DHX34: variants seen among roughly 807,000 people sequenced by gnomAD.
The protein encoded by DHX34 is probable ATP-dependent RNA helicase DHX34.
A neutral mutation model predicts 111.1 loss-of-function variants in DHX34; 96 were observed. The ratio of observed to expected loss-of-function variants is 0.86; its 90% confidence interval spans 0.73 to 1.02. The LOEUF is 1.02. Among genes scored for constraint, DHX34 ranks in the 50% least tolerant of loss-of-function variants. DHX34 has a pLI of 0.00. For synonymous variants in DHX34, 688 were observed against 670.4 expected (o/e 1.03, Z -0.41); for missense variants, 1,560 against 1,579.9 (o/e 0.99, Z 0.21).
intron 4 of DHX34, among the ~76,000 whole-genome samples, chr19:47,359,440 CCA>C (rs1445790525): frequency 6.6e-6 from 1 of 150,856 alleles, no homozygotes; most frequent in Non-Finnish European, 1.5e-5. Flanking sequence ...CCATTGTAGG[CCA>C]CAGAGTGGGA....
At chr19:47,378,663 A>G (rs744735) in intron 13 of DHX34, among the ~76,000 whole-genome samples, 10,374 of 151,260 alleles carry the variant, frequency 0.069, 373 homozygotes, top group East Asian at 0.11. Context: ...GACTCTATCT[A>G]TCTCTACAAA....
At position 47,375,681 on chromosome 19, in the gene DHX34, A is replaced by C; in HGVS notation, c.2280A>C (p.Pro760=). The C allele has an allele frequency of 6.4e-7, 1 of 1,557,478 alleles. No individual in the cohort carries two copies. The highest frequency in any genetic ancestry group is 8.7e-7 in the Non-Finnish European group (1 of 1,155,690). Residue 760 remains proline (P), a synonymous_variant, in exon 10 of 17, where the codon CCA becomes CCC. Transcript: ENST00000328771. ...AGGACAGGGCTGGCCCAGCCCCCCCAGGGGCCAGTGATGGCGTGGACATCC... is the reference window on the plus strand; with the variant it reads ...AGGACAGGGCTGGCCCAGCCCCCCCCGGGGCCAGTGATGGCGTGGACATCC... ...SDEDRAGPAP[P]GASDGVDIQD...
At position 47,360,009 on chromosome 19, in the gene DHX34, C is replaced by T. The variant is rs969011244; in HGVS notation, c.1314C>T (p.Leu438=). 2.5e-6 allele frequency: 4 copies of T among 1,614,096 alleles called. No homozygotes were observed. The highest frequency in any genetic ancestry group is 3.3e-5 in the Admixed American group (2 of 59,990). The change falls in exon 5 of 17, where the codon CTC becomes CTT. Residue 438 remains leucine (L), a synonymous_variant. Coordinates refer to ENST00000328771, the MANE Select transcript of DHX34 (RefSeq NM_014681.6). ...CCCCTGGAGTCCGGAAATGCATCCT[C>T]TCCACCAACATTGCTGAGACCTCAG... The part of the protein sequence containing the change: ...VAPPGVRKCI[L]STNIAETSVT...
chr19:47,380,435 C>A (rs1970315801), intron 14 of DHX34, among the ~76,000 whole-genome samples: 3 of 151,924 alleles, frequency 2.0e-5, no homozygotes, highest in Admixed American at 2.0e-4. Flanking sequence ...TCCAGGCTGA[C>A]TTCCTGGAGT....
intron 11 of DHX34, 45 bp from the exon 12 acceptor site, chr19:47,376,398 A>C (rs1291882208): frequency 6.3e-7 from 1 of 1,584,880 alleles, no homozygotes; most frequent in Non-Finnish European, 8.6e-7. Context: ...TGGGCAGAGG[A>C]GAGAGCAGAT....
intron 1 of DHX34, among the ~76,000 whole-genome samples, chr19:47,351,906 G>A (rs752756492): frequency 6.6e-6 from 1 of 152,202 alleles, no homozygotes; most frequent in Non-Finnish European, 1.5e-5. Context: ...GGTGGATACT[G>A]TCCTCAGAAA....
At chr19:47,373,781 C>T (rs1472845991) in intron 9 of DHX34, 81 bp downstream of exon 9, 24 of 1,514,866 alleles carry the variant, frequency 1.6e-5, no homozygotes, top group Non-Finnish European at 2.1e-5. Context: ...GCTTCCCCTT[C>T]CCAGACAGTG....
Position 47,359,952 on chromosome 19 carries a change from C to T in DHX34, c.1273-16C>T, listed in dbSNP as rs1222543835. On this transcript the variant is annotated splice_polypyrimidine_tract_variant and intron_variant, in intron 4 of 16. Coordinates refer to ENST00000328771, the MANE Select transcript of DHX34 (RefSeq NM_014681.6). ...GCTGAGTTAGTTCCTGACACCACCCCCTCCCTTCCTCCCAGGTATTTGATG... is the reference window on the plus strand; with the variant it reads ...GCTGAGTTAGTTCCTGACACCACCCTCTCCCTTCCTCCCAGGTATTTGATG... 2 of 1,613,890 alleles carry T rather than the reference C, an allele frequency of 1.2e-6. No individual in the cohort carries two copies. Among genetic ancestry groups the T allele is most frequent in the Non-Finnish European group, 1.7e-6 (2 of 1,179,952 alleles).
rs1385592994 is a variant in DHX34 at position 47,379,984 on chromosome 19, A to G, written c.2981A>G (p.Lys994Arg). Residue 994 changes from lysine (K) to arginine (R), a missense_variant and splice_region_variant, in exon 14 of 17, where the codon AAG (lysine) becomes AGG (arginine). Transcript: ENST00000328771. ...SKELLQFTAS[K>R]IPYSLRRLTG... ...GAACTCCTGCAATTCACGGCATCCA[A>G]GGTACCCTCCACCAGGGTGCCCGTG... 1.3e-6 allele frequency: 2 copies of G among 1,580,072 alleles called. No individual in the cohort carries two copies. Among genetic ancestry groups the G allele is most frequent in the Non-Finnish European group, 1.7e-6 (2 of 1,154,870 alleles).
At chr19:47,365,004 AG>A (rs1355462276) in intron 6 of DHX34, among the ~76,000 whole-genome samples, 1 of 152,104 alleles carries the variant, frequency 6.6e-6, no homozygotes, top group African/African-American at 2.4e-5. Context: ...TTAAGGCCAC[AG>A]GAACATTTTC....
Position 47,369,330 on chromosome 19 carries a change from C to G in DHX34, c.1768+2175C>G, listed in dbSNP as rs140302878. Among the ~76,000 whole-genome samples the G allele has an allele frequency of 1.1e-4, 17 of 152,228 alleles. No homozygotes were observed. In the East Asian group the frequency reaches 3.1e-3, roughly 28 times the overall value. On this transcript the variant is annotated intron_variant, in intron 7 of 16. Coordinates refer to ENST00000328771, the MANE Select transcript of DHX34 (RefSeq NM_014681.6). ...CCAATATTTGTTTTTTTAGTAGTGT[C>G]AAGGTTTCACCATGTCGGCCGTGCT...
At chr19:47,358,983 C>G (rs4802348) in intron 4 of DHX34, among the ~76,000 whole-genome samples, 34,726 of 151,200 alleles carry the variant, frequency 0.23, 5,802 homozygotes, top group East Asian at 0.46. Flanking sequence ...TGGTTTCAAA[C>G]TCCTGAGCTC....
intron 8 of DHX34, 54 bp downstream of exon 8, chr19:47,372,977 T>G: frequency 6.6e-7 from 1 of 1,512,934 alleles, no homozygotes; most frequent in African/African-American, 1.4e-5. Context: ...GGCCAAGGCC[T>G]TCTGTGGCTG....
intron 4 of DHX34, 112 bp from the exon 5 acceptor site, chr19:47,359,843 GGGAGGTCTCTGAA>G: frequency 6.5e-7 from 1 of 1,544,406 alleles, no homozygotes. Flanking sequence ...ATCTCCAAAA[GGGAGGTCTCTGAA>G]GGAGGAAAGG....
In DHX34 at chr19:47,356,039, C is replaced by T. The variant is rs190959962; in HGVS notation, c.1017+689C>T. ...GATTTCTCAAAGTCAGCAAGATTGA[C>T]ATTTCAGTCTGGATAATTCCTTGTC... On this transcript the variant is annotated intron_variant, in intron 3 of 16. Coordinates refer to ENST00000328771, the MANE Select transcript of DHX34 (RefSeq NM_014681.6). 1.8e-4 allele frequency among the ~76,000 whole-genome samples: 28 copies of T among 152,228 alleles called. 1 individual carries two copies. Among genetic ancestry groups the T allele is most frequent in the Admixed American group, 1.7e-3 (26 of 15,272 alleles).
chr19:47,358,167 CA>C (rs1969518599), intron 4 of DHX34, 47 bp downstream of exon 4: 3 of 1,579,278 alleles, frequency 1.9e-6, no homozygotes, highest in Admixed American at 3.4e-5. Flanking sequence ...CTGCATGAGT[CA>C]GGGGTGGCTG....
chr19:47,358,155 G>A (rs1364118981), intron 4 of DHX34, 35 bp downstream of exon 4: 2 of 1,589,376 alleles, frequency 1.3e-6, no homozygotes, highest in Non-Finnish European at 1.7e-6. Flanking sequence ...CAGGCGGGGG[G>A]TCTGCATGAG....
intron 8 of DHX34, 108 bp from the exon 9 acceptor site, chr19:47,373,491 G>GC: frequency 6.7e-7 from 1 of 1,482,108 alleles, no homozygotes; most frequent in East Asian, 2.5e-5. Flanking sequence ...AAGCAGGAGA[G>GC]CAGGTGTCCC....
chr19:47,349,736 G>A (rs1969227757), intron 1 of DHX34, among the ~76,000 whole-genome samples: 1 of 151,968 alleles, frequency 6.6e-6, no homozygotes, highest in Non-Finnish European at 1.5e-5. Flanking sequence ...TGAACTTGGG[G>A]AGTGGAGGGA....
Sources: gnomAD v4.1 joint callset for allele counts (sites outside exome capture counted in the v4.1 genomes callset) on GRCh38, gnomAD v4.1.1 for gene constraint, MANE v1.5 for transcripts, NCBI Gene and HGNC (gene_info 2026-07-23, HGNC 2026-07-21) for gene names.